The following CACNA1E variants were observed in gnomAD, a reference collection of about 807,000 sequenced individuals.
The protein encoded by CACNA1E is calcium voltage-gated channel subunit alpha1 E, also known as voltage-dependent R-type calcium channel subunit alpha-1E.
In CACNA1E, 40 loss-of-function variants were observed where a neutral mutation model predicts 259.2. The ratio of observed to expected loss-of-function variants is 0.15; its 90% CI spans 0.12 to 0.20. The LOEUF (loss-of-function observed/expected upper bound fraction) is 0.20, where lower values mean the gene tolerates loss of function less well. Ranked by LOEUF, CACNA1E falls within the 10% of genes least tolerant of loss-of-function variation. The pLI is 1.00. For missense variants in CACNA1E, 1,874 were observed against 3,040.1 expected (o/e 0.62, Z 9.02); for synonymous variants, 1,104 against 1,138.5 (o/e 0.97, Z 0.61).
intron 3 of CACNA1E, among the ~76,000 whole-genome samples, chr1:181,533,495 A>G (rs80019300): frequency 0.018 from 2,717 of 151,600 alleles, 40 homozygotes; most frequent in Non-Finnish European, 0.027. Context: ...ATTGGCAATG[A>G]TTAATGACTA....
chr1:181,527,815 C>A (rs1027136284), intron 3 of CACNA1E, among the ~76,000 whole-genome samples: 2 of 152,102 alleles, frequency 1.3e-5, no homozygotes, highest in Admixed American at 1.3e-4. Flanking sequence ...TTATCTGAGT[C>A]TTCCTCTTTT....
chr1:181,673,562 A>T (rs781158778), intron 7 of CACNA1E, among the ~76,000 whole-genome samples: 49 of 152,294 alleles, frequency 3.2e-4, no homozygotes, highest in Non-Finnish European at 6.2e-4. Flanking sequence ...TTCCAAGGTG[A>T]GTGAGTTAGA....
At chr1:181,749,855 T>C (rs1244203599) in intron 25 of CACNA1E, among the ~76,000 whole-genome samples, 1 of 152,252 alleles carries the variant, frequency 6.6e-6, no homozygotes, top group African/African-American at 2.4e-5. Context: ...TGGTGTGACA[T>C]CATGATCTTG....
At chr1:181,409,431 A>C (rs150875823) in intron 1 of CACNA1E, among the ~76,000 whole-genome samples, 1 of 152,248 alleles carries the variant, frequency 6.6e-6, no homozygotes, top group African/African-American at 2.4e-5. Flanking sequence ...AGTACATCCT[A>C]CTGTGTGCCC....
At chr1:181,604,240 C>T (rs1341532714) in intron 6 of CACNA1E, among the ~76,000 whole-genome samples, 1 of 152,220 alleles carries the variant, frequency 6.6e-6, no homozygotes, top group Non-Finnish European at 1.5e-5. Flanking sequence ...CACTCACCAC[C>T]AGGGCGTGAG....
intron 1 of CACNA1E, among the ~76,000 whole-genome samples, chr1:181,390,636 C>T (rs764827517): frequency 5.9e-5 from 9 of 152,234 alleles, no homozygotes; most frequent in South Asian, 2.1e-4. Flanking sequence ...TTGTGTAGTA[C>T]GAGGCTTGAG....
intron 2 of CACNA1E, among the ~76,000 whole-genome samples, chr1:181,441,453 T>A (rs1304520780): frequency 6.6e-6 from 1 of 152,312 alleles, no homozygotes; most frequent in East Asian, 1.9e-4. Flanking sequence ...CCTGGCCCAA[T>A]TCACTGCTTT....
At chr1:181,755,156 T>C in intron 27 of CACNA1E, 81 bp from the exon 28 acceptor site, 1 of 1,108,780 alleles carries the variant, frequency 9.0e-7, no homozygotes, top group Non-Finnish European at 1.3e-6. Flanking sequence ...TGGGTAGTGG[T>C]GGTATGGCCC....
rs531137594 is a variant in CACNA1E, at chr1:181,553,707, C to G, written c.513-24059C>G. On this transcript the variant is annotated intron_variant, in intron 3 of 47. Coordinates refer to ENST00000367573, the MANE Select transcript of CACNA1E (RefSeq NM_001205293.3). ...TACCTAGTTTATTGAGAGTTTTTAG[C>G]ATGAAGGGATGTAGAATTTATCAAA... is the stretch of plus-strand genomic sequence containing the variant. 2.6e-5 allele frequency among the ~76,000 whole-genome samples: 4 copies of G among 152,238 alleles called. No individual in the cohort carries two copies. In the East Asian group the frequency reaches 7.7e-4, roughly 29 times the overall value.
chr1:181,720,081 T>C, intron 13 of CACNA1E, 125 bp from the exon 14 acceptor site: 1 of 1,197,498 alleles, frequency 8.4e-7, no homozygotes, highest in Non-Finnish European at 1.2e-6. Context: ...GTTTCTGCCC[T>C]CTTTACTTCC....
intron 1 of CACNA1E, among the ~76,000 whole-genome samples, chr1:181,502,468 G>A (rs1665332118): frequency 6.6e-6 from 1 of 152,154 alleles, no homozygotes; most frequent in African/African-American, 2.4e-5. Context: ...AAGTCCAGAA[G>A]GAGCCCTGGG....
intron 3 of CACNA1E, among the ~76,000 whole-genome samples, chr1:181,536,205 C>T (rs917207055): frequency 6.6e-6 from 1 of 151,994 alleles, no homozygotes; most frequent in Non-Finnish European, 1.5e-5. Context: ...CTCTGCTTCT[C>T]CACTTCTTAA....
intron 6 of CACNA1E, among the ~76,000 whole-genome samples, chr1:181,616,319 TTTTG>T (rs916243805): frequency 1.3e-4 from 20 of 150,158 alleles, no homozygotes; most frequent in East Asian, 2.0e-4. Flanking sequence ...CTTGGAGGTT[TTTTG>T]TTTGTTTGTT....
At chr1:181,379,786 A>G (rs1166869438) in intron 1 of CACNA1E, among the ~76,000 whole-genome samples, 1 of 151,988 alleles carries the variant, frequency 6.6e-6, no homozygotes, top group African/African-American at 2.4e-5. Flanking sequence ...TTTGAGGGGG[A>G]CAGGAACATT....
intron 17 of CACNA1E, 146 bp from the exon 18 acceptor site, chr1:181,725,919 C>G: frequency 3.5e-6 from 2 of 573,690 alleles, no homozygotes; most frequent in African/African-American, 1.9e-5. Flanking sequence ...TCTGAGCCAA[C>G]CTAACATCTC....
At position 181,402,978 on chromosome 1, in the gene CACNA1E, AG is replaced by A. The variant is rs1400603603; in HGVS notation, c.-14-10153del. On this transcript the variant is annotated intron_variant, in intron 1 of 11. Transcript: ENST00000524607. The stretch of plus-strand genomic sequence containing the variant: ...GGAAAGATAAAAGTACTTACCCAAT[AG>A]GTTGGTTAATAAACATGAATTTCAG... 3.3e-5 allele frequency among the ~76,000 whole-genome samples: 5 copies of A among 152,310 alleles called. No homozygotes were observed. In the East Asian group the frequency reaches 9.6e-4, roughly 29 times the overall value.
intron 4 of CACNA1E, among the ~76,000 whole-genome samples, chr1:181,578,737 T>C (rs1420511090): frequency 1.3e-5 from 2 of 152,264 alleles, no homozygotes; most frequent in East Asian, 1.9e-4. Context: ...CTGACTGTTT[T>C]CTTGGCTAGA....
At chr1:181,392,643 A>G (rs1359016053) in intron 1 of CACNA1E, among the ~76,000 whole-genome samples, 1 of 152,198 alleles carries the variant, frequency 6.6e-6, no homozygotes, top group Non-Finnish European at 1.5e-5. Flanking sequence ...TGTTCAATAA[A>G]ACAAAGGAGA....
chr1:181,659,038 A>T (rs959727018), intron 7 of CACNA1E, among the ~76,000 whole-genome samples: 42 of 152,096 alleles, frequency 2.8e-4, no homozygotes, highest in African/African-American at 9.4e-4. Flanking sequence ...ATTCAGAAGC[A>T]GCCTGGGAAA....
Sources: allele counts gnomAD v4.1 joint callset (sites outside exome capture counted in the v4.1 genomes callset), GRCh38; gene constraint gnomAD v4.1.1; transcripts MANE v1.5; gene names NCBI Gene and HGNC (gene_info 2026-07-23, HGNC 2026-07-21).